The following AFDN variants were observed in gnomAD, a reference collection of about 807,000 sequenced individuals.
AFDN encodes the protein afadin.
AFDN carries 68 observed loss-of-function variants against 216.6 expected under a neutral mutation model. That is an observed-to-expected ratio of 0.31 (90% CI 0.26 to 0.38). AFDN has a LOEUF of 0.38. AFDN is among the 10% of genes least tolerant of loss of function. The pLI, the probability that AFDN is intolerant of heterozygous loss-of-function variation, is 1.00. For synonymous variants in AFDN, 868 were observed against 853.7 expected (o/e 1.02, Z -0.29); for missense variants, 2,136 against 2,342.0 (o/e 0.91, Z 1.82).
chr6:167,877,939 T>C (rs1785589600), intron 5 of AFDN, among the ~76,000 whole-genome samples: 1 of 152,212 alleles, frequency 6.6e-6, no homozygotes. Flanking sequence ...GCTTTGCCCC[T>C]GAACTTTGTG....
At chr6:167,864,320 A>G (rs774781560) in intron 1 of AFDN, 5 of 726,274 alleles carry the variant, frequency 6.9e-6, no homozygotes, top group South Asian at 6.8e-5. Flanking sequence ...TCTATTTGAC[A>G]GCCATTATTT....
chr6:167,887,541 C>T (rs961632308), intron 6 of AFDN, among the ~76,000 whole-genome samples: 1 of 151,714 alleles, frequency 6.6e-6, no homozygotes, highest in African/African-American at 2.4e-5. Flanking sequence ...CTGCAACTTC[C>T]GCCTCTTGGG....
At chr6:167,912,999 C>G (rs1377509410) in intron 15 of AFDN, among the ~76,000 whole-genome samples, 1 of 152,070 alleles carries the variant, frequency 6.6e-6, no homozygotes, top group Non-Finnish European at 1.5e-5. Flanking sequence ...ATTAATTAAT[C>G]TAGAGGGATG....
intron 23 of AFDN, among the ~76,000 whole-genome samples, chr6:167,934,055 C>T (rs1030548228): frequency 3.3e-5 from 5 of 152,164 alleles, no homozygotes; most frequent in African/African-American, 7.2e-5. Context: ...AGTCGCACAC[C>T]GCTTTGCGAG....
chr6:167,926,205 G>A (rs184574288), intron 23 of AFDN, among the ~76,000 whole-genome samples: 158 of 152,272 alleles, frequency 1.0e-3, no homozygotes, highest in Non-Finnish European at 1.8e-3. Flanking sequence ...AGCTTTCACC[G>A]AAGCTTTTTC....
In AFDN at chr6:167,913,387, G is replaced by T. The variant is rs1049237385; in HGVS notation, c.2038-16G>T. 1.3e-6 allele frequency: 2 copies of T among 1,535,350 alleles called. No homozygotes were observed. Among genetic ancestry groups the T allele is most frequent in the Admixed American group, 2.0e-5 (1 of 50,940 alleles). The stretch of plus-strand genomic sequence containing the variant: ...CTCTCGTTCTGCTTGATTTCCCCTC[G>T]TCTGTTTTTCTCCAGGAAGTAGACC... On this transcript the variant is annotated splice_polypyrimidine_tract_variant and intron_variant, in intron 15 of 33. Coordinates refer to ENST00000683244, the MANE Select transcript of AFDN (RefSeq NM_001386888.1).
chr6:167,874,632 T>G (rs1018793404), intron 4 of AFDN, among the ~76,000 whole-genome samples: 4 of 134,218 alleles, frequency 3.0e-5, no homozygotes, highest in Non-Finnish European at 6.5e-5. Context: ...TTTTTTTTTT[T>G]GAGATGAAGT....
rs555322732 is a variant in AFDN, at chr6:167,898,845, G to A, written c.1580+378G>A. 7.6e-4 allele frequency among the ~76,000 whole-genome samples: 115 copies of A among 152,272 alleles called. 1 individual carries two copies. The highest frequency in any genetic ancestry group is 2.6e-3 in the Admixed American group (40 of 15,304). On this transcript the variant is annotated intron_variant, in intron 11 of 33. Coordinates refer to ENST00000683244, the MANE Select transcript of AFDN (RefSeq NM_001386888.1). ...TGTGACTGATAATGAAACACATTAAGATCTCTTAAGGAATTCAGAATATTT... is the reference window on the plus strand; with the variant it reads ...TGTGACTGATAATGAAACACATTAAAATCTCTTAAGGAATTCAGAATATTT...
At chr6:167,874,828 C>T (rs62427680) in intron 4 of AFDN, among the ~76,000 whole-genome samples, 43,743 of 151,722 alleles carry the variant, frequency 0.29, 6,792 homozygotes, top group Middle Eastern at 0.39. Flanking sequence ...TTGGTCAGGC[C>T]GGTCTCCAAC....
intron 32 of AFDN, 72 bp downstream of exon 32, chr6:167,966,117 C>G: frequency 6.5e-7 from 1 of 1,535,880 alleles, no homozygotes; most frequent in Non-Finnish European, 8.7e-7. Context: ...ACCACGGCCA[C>G]CCCCCTGCCA....
Position 167,951,709 on chromosome 6 carries a change from G to T in AFDN, c.4355G>T (p.Arg1452Leu). 4 of 1,614,018 alleles carry T rather than the reference G, an allele frequency of 2.5e-6. No individual in the cohort carries two copies. Among genetic ancestry groups the T allele is most frequent in the Non-Finnish European group, 3.4e-6 (4 of 1,179,998 alleles). Residue 1452 changes from arginine to leucine, a missense_variant, in exon 30 of 34, where the codon CGC becomes CTC. Physicochemically the swap from Arg to Leu is moderately radical, Grantham distance 102. Coordinates refer to ENST00000683244, the MANE Select transcript of AFDN (RefSeq NM_001386888.1). This position sits in a 1 kb window ranked among gnomAD's most constrained non-coding sequence, Gnocchi z 7.1. ...CAGGAGAGGAAGTTGGGCCAGATGC[G>T]CACTCAGTCCTTAAACCCTGCTCCG... ...REQERKLGQM[R>L]TQSLNPAPFS...
chr6:167,901,368 T>C (rs1207786168), intron 11 of AFDN, among the ~76,000 whole-genome samples: 2 of 152,180 alleles, frequency 1.3e-5, no homozygotes, highest in African/African-American at 2.4e-5. Context: ...CATTCACCCT[T>C]CATTTGTGCT....
intron 21 of AFDN, among the ~76,000 whole-genome samples, chr6:167,922,558 AG>A (rs1335979227): frequency 1.3e-5 from 2 of 152,208 alleles, no homozygotes; most frequent in African/African-American, 4.8e-5. Context: ...CGGTTCTGCA[AG>A]GAAGTAATGA....
In AFDN at chr6:167,914,182, T is replaced by C; in HGVS notation, c.2073T>C (p.Ile691=). The C allele has an allele frequency of 1.2e-6, 2 of 1,614,136 alleles. No individual in the cohort carries two copies. The highest frequency in any genetic ancestry group is 1.7e-6 in the Non-Finnish European group (2 of 1,179,990). The change falls in exon 17 of 34, where the codon ATT becomes ATC. Residue 691 remains isoleucine (I), a synonymous_variant. Coordinates refer to ENST00000683244, the MANE Select transcript of AFDN (RefSeq NM_001386888.1). ...VDQVDQKQKN[I]AGALAFWMAN... is the part of the protein sequence containing the mutation. ...TCTGTCTACAGAAACAGAAGAATAT[T>C]GCAGGGGCACTTGCCTTCTGGATGG...
At chr6:167,836,122 A>G (rs1780406268) in intron 1 of AFDN, among the ~76,000 whole-genome samples, 1 of 152,242 alleles carries the variant, frequency 6.6e-6, no homozygotes, top group South Asian at 2.1e-4. Context: ...AATACTGGCC[A>G]CAAGCTATTA....
At chr6:167,885,975 A>G (rs990019054) in intron 6 of AFDN, among the ~76,000 whole-genome samples, 3 of 152,252 alleles carry the variant, frequency 2.0e-5, no homozygotes, top group African/African-American at 7.2e-5. Context: ...AGTGAGGGAA[A>G]GAGGGAGGAA....
chr6:167,951,123 T>G lies in AFDN; in HGVS notation c.3832-63T>G. 1 of 1,489,814 alleles carries G rather than the reference T, an allele frequency of 6.7e-7. No homozygotes were observed. The highest frequency in any genetic ancestry group is 1.4e-5 in the South Asian group (1 of 70,464). 92.3% of individuals were successfully genotyped at this position (1,489,814 alleles called of 1,614,324 possible). ...TTTCTTCTGTCTGAAGATAAAATGT[T>G]TGTGGATATTTGGTAATTTCTAGTA... On this transcript the variant is annotated intron_variant, in intron 29 of 33. Transcript: ENST00000683244. The surrounding 1 kb of genome is among the most constrained non-coding windows in gnomAD (Gnocchi z 7.1).
rs80048307 is a variant in AFDN at position 167,916,007 on chromosome 6, A to C, written c.2565+574A>C. Among the ~76,000 whole-genome samples, 410 of 152,350 alleles carry C rather than the reference A, an allele frequency of 2.7e-3. 4 individuals carry two copies. Among genetic ancestry groups the C allele is most frequent in the African/African-American group, 9.1e-3 (378 of 41,578 alleles). On this transcript the variant is annotated intron_variant, in intron 19 of 33. Coordinates refer to ENST00000683244, the MANE Select transcript of AFDN (RefSeq NM_001386888.1). ...TTAAGGAATACTGAACCTGTGTCAA[A>C]AACTGAGTGGCTTAACAGTTGCTCC...
Position 167,851,907 on chromosome 6 carries a change from A to C in AFDN, c.106-12644A>C, listed in dbSNP as rs139998179. Among the ~76,000 whole-genome samples, 1,177 of 152,312 alleles carry C rather than the reference A, an allele frequency of 7.7e-3. 15 individuals carry two copies. The highest frequency in any genetic ancestry group is 0.027 in the African/African-American group (1,121 of 41,580). On this transcript the variant is annotated intron_variant, in intron 1 of 33. Transcript: ENST00000683244. ...AAAAAACAGGTTTACTTTATTTTGC[A>C]CTTAATAGTTGGTAATTATAACTGA...
Sources: allele counts gnomAD v4.1 joint callset (sites outside exome capture counted in the v4.1 genomes callset), GRCh38; gene constraint gnomAD v4.1.1; non-coding constraint Gnocchi (gnomAD v3.1); transcripts MANE v1.5; gene names NCBI Gene and HGNC (gene_info 2026-07-23, HGNC 2026-07-21).